MYO5B: variants seen among roughly 807,000 people sequenced by gnomAD.
MYO5B encodes unconventional myosin-Vb.
In MYO5B, 143 loss-of-function variants were observed where a neutral mutation model predicts 229.3. The ratio of observed to expected loss-of-function variants is 0.62; its 90% CI spans 0.54 to 0.72. MYO5B has a LOEUF of 0.72. Ranked by LOEUF, MYO5B falls within the 30% of genes least tolerant of loss-of-function variation. The pLI, the probability that MYO5B is intolerant of heterozygous loss-of-function variation, is 0.00. For synonymous variants in MYO5B, 918 were observed against 885.2 expected (o/e 1.04, Z -0.66); for missense variants, 2,321 against 2,331.0 (o/e 1.00, Z 0.09).
At chr18:49,836,577 C>T in intron 38 of MYO5B, 134 bp downstream of exon 38, 1 of 1,047,994 alleles carries the variant, frequency 9.5e-7, no homozygotes. Flanking sequence ...AGCTGCACTT[C>T]AAAATTGTCT....
Position 49,937,277 on chromosome 18 carries a change from T to C in MYO5B, c.1873A>G (p.Asn625Asp), listed in dbSNP as rs747671509. ...RSARPPMKVS[N>D]KEHKKTVGHQ... ...CCAACGGTTTTCTTGTGCTCCTTGT[T>C]GGAGACTTTCATGGGGGGTCTGGCA... The change falls in exon 15 of 40, where the codon AAC becomes GAC. Residue 625 changes from asparagine (N) to aspartate (D), a missense_variant. By Grantham distance (23) the Asn-to-Asp change is conservative. Around this residue, in one of 2 missense-constraint regions of MYO5B, gnomAD observed 2,113 missense variants for 2,044.7 expected, o/e 1.03. Coordinates refer to ENST00000285039, the MANE Select transcript of MYO5B (RefSeq NM_001080467.3). 3 of 1,614,028 alleles carry C rather than the reference T, an allele frequency of 1.9e-6. No individual in the cohort carries two copies. The highest frequency in any genetic ancestry group is 3.3e-5 in the Admixed American group (2 of 59,990).
At chr18:50,037,934 A>G (rs2029891993) in intron 3 of MYO5B, among the ~76,000 whole-genome samples, 1 of 152,172 alleles carries the variant, frequency 6.6e-6, no homozygotes, top group Admixed American at 6.5e-5. Flanking sequence ...TTGTATAGTA[A>G]GCACTGCATG....
chr18:50,178,781 C>T (rs184719972), intron 1 of MYO5B, among the ~76,000 whole-genome samples: 26 of 152,278 alleles, frequency 1.7e-4, no homozygotes, highest in East Asian at 1.5e-3. Flanking sequence ...TGGACATCTT[C>T]GCATCTGTCC....
At chr18:49,860,961 T>A (rs1027289409) in intron 29 of MYO5B, among the ~76,000 whole-genome samples, 19 of 152,198 alleles carry the variant, frequency 1.2e-4, no homozygotes, top group Admixed American at 5.2e-4. Context: ...GGGTCCCTGT[T>A]CCCTGCCTCT....
At chr18:50,086,126 G>A (rs2031324554) in intron 1 of MYO5B, among the ~76,000 whole-genome samples, 1 of 152,034 alleles carries the variant, frequency 6.6e-6, no homozygotes, top group African/African-American at 2.4e-5. Flanking sequence ...TTGAAGTACA[G>A]AGTTAAAGCA....
intron 17 of MYO5B, among the ~76,000 whole-genome samples, chr18:49,915,177 T>C (rs1216028856): frequency 6.6e-6 from 1 of 152,206 alleles, no homozygotes; most frequent in East Asian, 1.9e-4. Flanking sequence ...CTTACCGTTA[T>C]AAAATTAAGT....
chr18:50,077,228 C>T (rs75829616), intron 1 of MYO5B, among the ~76,000 whole-genome samples: 5,606 of 142,888 alleles, frequency 0.039, 363 homozygotes, highest in African/African-American at 0.13. Context: ...TTCTTATTGT[C>T]GGTCTTTCAC....
At chr18:50,091,877 G>A (rs1302585788) in intron 1 of MYO5B, among the ~76,000 whole-genome samples, 1 of 152,230 alleles carries the variant, frequency 6.6e-6, no homozygotes, top group East Asian at 1.9e-4. Context: ...CACTAGAAAA[G>A]CCAAGGGTTT....
intron 14 of MYO5B, among the ~76,000 whole-genome samples, chr18:49,952,933 G>A (rs1787285): frequency 0.023 from 3,442 of 151,612 alleles, 135 homozygotes; most frequent in African/African-American, 0.072. Context: ...CCATCACTGC[G>A]CTCACCGTCC....
At chr18:49,874,580 A>G (rs2024494659) in intron 26 of MYO5B, among the ~76,000 whole-genome samples, 2 of 152,248 alleles carry the variant, frequency 1.3e-5, no homozygotes, top group Non-Finnish European at 2.9e-5. Context: ...ATTTGCCAGC[A>G]ATATAGATCA....
chr18:50,042,057 T>C (rs1007794064), intron 2 of MYO5B, among the ~76,000 whole-genome samples: 25 of 152,310 alleles, frequency 1.6e-4, no homozygotes, highest in African/African-American at 6.0e-4. Context: ...ATTATCAGAC[T>C]GACAAGACCC....
intron 4 of MYO5B, among the ~76,000 whole-genome samples, chr18:50,014,246 T>C (rs1435699043): frequency 1.0e-5 from 1 of 97,464 alleles, no homozygotes; most frequent in African/African-American, 4.6e-5. Context: ...ATAAAAAAAG[T>C]CCCAAAATTA....
At chr18:50,020,813 TC>T (rs1227199420) in intron 4 of MYO5B, among the ~76,000 whole-genome samples, 1 of 152,238 alleles carries the variant, frequency 6.6e-6, no homozygotes, top group Non-Finnish European at 1.5e-5. Flanking sequence ...AGTTTCTGAC[TC>T]AGCTAAACAA....
intron 21 of MYO5B, among the ~76,000 whole-genome samples, chr18:49,900,056 C>A (rs886822145): frequency 2.0e-5 from 3 of 152,152 alleles, no homozygotes; most frequent in African/African-American, 7.2e-5. Flanking sequence ...ATGCAGAGCC[C>A]CAAGGCTGGA....
chr18:49,846,294 G>A (rs2024125101), intron 33 of MYO5B, among the ~76,000 whole-genome samples: 1 of 152,186 alleles, frequency 6.6e-6, no homozygotes, highest in South Asian at 2.1e-4. Flanking sequence ...CAATTGAGGA[G>A]GCCTGGCACG....
chr18:50,108,860 T>A (rs1004737003), intron 1 of MYO5B, among the ~76,000 whole-genome samples: 1 of 152,248 alleles, frequency 6.6e-6, no homozygotes, highest in Non-Finnish European at 1.5e-5. Context: ...AGGCTATATG[T>A]GCTGCTTCCA....
intron 22 of MYO5B, among the ~76,000 whole-genome samples, chr18:49,888,036 T>G (rs1228667704): frequency 1.3e-5 from 2 of 152,158 alleles, no homozygotes; most frequent in Admixed American, 1.3e-4. Flanking sequence ...GTAGTTGCCC[T>G]CAGAGAGTGT....
At chr18:50,078,835 A>C (rs1056063749) in intron 1 of MYO5B, among the ~76,000 whole-genome samples, 14 of 152,186 alleles carry the variant, frequency 9.2e-5, no homozygotes, top group Non-Finnish European at 2.9e-5. Context: ...GAGCTAGAAA[A>C]AAACCCAATG....
Position 49,864,376 on chromosome 18 carries a change from T to C in MYO5B, c.3608A>G (p.Gln1203Arg), listed in dbSNP as rs2024371528. The C allele has an allele frequency of 6.2e-7, 1 of 1,613,300 alleles. No homozygotes were observed. The highest frequency in any genetic ancestry group is 8.5e-7 in the Non-Finnish European group (1 of 1,180,048). ...ADLAYNSLKR[Q>R]ELESENKKLK... Reference sequence around the variant, plus strand: ...CTTTTTGTTCTCTGACTCCAGCTCTTGCCTCTGGAAGACAGCCCAAGGGCC... The same window carrying C: ...CTTTTTGTTCTCTGACTCCAGCTCTCGCCTCTGGAAGACAGCCCAAGGGCC... Residue 1203 changes from glutamine to arginine, a missense_variant, in exon 28 of 40, where the codon CAA (glutamine) becomes CGA (arginine). This residue lies in a region of MYO5B where 2,113 missense variants were observed against 2,044.7 expected (regional missense o/e 1.03). Transcript: ENST00000285039.
Sources: gnomAD v4.1 joint callset for allele counts (sites outside exome capture counted in the v4.1 genomes callset) on GRCh38, gnomAD v4.1.1 for gene constraint, gnomAD v4.1.1 regional missense constraint, MANE v1.5 for transcripts, NCBI Gene and HGNC (gene_info 2026-07-23, HGNC 2026-07-21) for gene names.